TENM1: variants seen among roughly 807,000 people sequenced by gnomAD.
The protein encoded by TENM1 is teneurin-1.
In TENM1, 35 loss-of-function variants were observed where a neutral mutation model predicts 174.8. That is an observed-to-expected ratio of 0.20 (90% CI 0.15 to 0.27). TENM1 has a LOEUF of 0.27. TENM1 is among the 10% of genes least tolerant of loss of function. The pLI, the probability that TENM1 is intolerant of heterozygous loss-of-function variation, is 1.00. For missense variants in TENM1, 1,633 were observed against 2,130.1 expected (o/e 0.77, Z 4.59); for synonymous variants, 781 against 798.7 (o/e 0.98, Z 0.37).
chrX:124,812,221 A>G (rs2055796461), intron 3 of TENM1, among the ~76,000 whole-genome samples: 1 of 111,393 alleles, frequency 9.0e-6, no homozygotes, highest in African/African-American at 3.2e-5. Context: ...TAGCCATTCC[A>G]CAATGTGTAT....
chrX:125,059,625 C>A, the TENM1 span, among the ~76,000 whole-genome samples: 32 of 111,453 alleles, frequency 2.9e-4, no homozygotes, highest in South Asian at 1.1e-3. Context: ...CCTAACTCTG[C>A]TAACCACTGT....
At chrX:124,646,654 G>A in intron 9 of TENM1, 55 bp downstream of exon 12, 2 of 876,963 alleles carry the variant, frequency 2.3e-6, no homozygotes, top group Non-Finnish European at 3.3e-6. Context: ...CTAATTCTGG[G>A]TTATGAAATC....
chrX:124,755,975 G>A (rs1225549594), intron 3 of TENM1, among the ~76,000 whole-genome samples: 1 of 100,701 alleles, frequency 9.9e-6, no homozygotes, highest in Non-Finnish European at 1.9e-5. Context: ...TCTTGGAGTT[G>A]CTCTTCTCGA....
chrX:125,198,617 A>G, the TENM1 span, among the ~76,000 whole-genome samples: 5 of 111,546 alleles, frequency 4.5e-5, no homozygotes, highest in Non-Finnish European at 9.4e-5. Flanking sequence ...CGTTCAGCTT[A>G]ATCATTTATT....
the TENM1 span, among the ~76,000 whole-genome samples, chrX:125,172,737 T>C: frequency 9.0e-6 from 1 of 111,191 alleles, no homozygotes; most frequent in African/African-American, 3.3e-5. Context: ...CATATGTACA[T>C]GGAATAGGAT....
the TENM1 span, among the ~76,000 whole-genome samples, chrX:125,044,448 G>A: frequency 1.8e-5 from 2 of 109,114 alleles, no homozygotes; most frequent in Admixed American, 9.8e-5. Flanking sequence ...AAATTAGCCT[G>A]GTATCGTGGC....
At chrX:124,469,559 A>G (rs2061277426) in intron 22 of TENM1, among the ~76,000 whole-genome samples, 1 of 111,676 alleles carries the variant, frequency 9.0e-6, no homozygotes, top group African/African-American at 3.3e-5. Flanking sequence ...GGAGAGGCAC[A>G]TGGTATGATT....
intron 11 of TENM1, among the ~76,000 whole-genome samples, chrX:124,601,040 G>A (rs188392742): frequency 1.8e-5 from 2 of 111,776 alleles, no homozygotes; most frequent in African/African-American, 6.5e-5. Flanking sequence ...GGAGAAAAGG[G>A]TCCACAACTT....
chrX:125,060,159 C>CCTCTCT, the TENM1 span, among the ~76,000 whole-genome samples: 2 of 96,829 alleles, frequency 2.1e-5, no homozygotes, highest in Non-Finnish European at 4.1e-5. Context: ...CTCTCTCTCT[C>CCTCTCT]CTCTCTCTCT....
At chrX:124,661,284 G>A (rs989912948) in intron 6 of TENM1, among the ~76,000 whole-genome samples, 5 of 111,591 alleles carry the variant, frequency 4.5e-5, no homozygotes, top group East Asian at 5.6e-4. Context: ...TCTGAATTGC[G>A]CACTTTAAAT....
intron 3 of TENM1, among the ~76,000 whole-genome samples, chrX:124,864,811 T>C (rs1038800580): frequency 1.5e-4 from 17 of 110,036 alleles, no homozygotes; most frequent in African/African-American, 5.0e-4. Context: ...AAGGCATTTA[T>C]TAATAATACA....
chrX:124,392,277 A>G (rs755736048), exon 28 of TENM1: 2 of 1,210,196 alleles, frequency 1.7e-6, no homozygotes, highest in East Asian at 5.9e-5. Context: ...TGAATTTTCG[A>G]TGGTCATCAT....
At chrX:125,183,323 G>T in the TENM1 span, among the ~76,000 whole-genome samples, 1 of 112,011 alleles carries the variant, frequency 8.9e-6, no homozygotes, top group Non-Finnish European at 1.9e-5. Context: ...AAGAGTCAAT[G>T]GTCCTTCAGC....
exon 1 of TENM1, chrX:124,963,614 T>C: frequency 1.7e-6 from 2 of 1,211,992 alleles, no homozygotes; most frequent in South Asian, 3.5e-5. Flanking sequence ...GTTATACTCG[T>C]GCAGGGTCTC....
At chrX:124,658,595 G>A (rs1343260438) in intron 6 of TENM1, among the ~76,000 whole-genome samples, 1 of 111,559 alleles carries the variant, frequency 9.0e-6, no homozygotes, top group Non-Finnish European at 1.9e-5. Context: ...ATAGGCCTTG[G>A]CAATTAACTG....
At chrX:124,601,452 T>C (rs1253928328) in intron 11 of TENM1, among the ~76,000 whole-genome samples, 1 of 110,699 alleles carries the variant, frequency 9.0e-6, no homozygotes, top group Non-Finnish European at 1.9e-5. Context: ...ATTTCAGACT[T>C]GATGGCAGGA....
At chrX:125,021,117 A>G in the TENM1 span, among the ~76,000 whole-genome samples, 2 of 111,036 alleles carry the variant, frequency 1.8e-5, no homozygotes, top group East Asian at 2.8e-4. Context: ...TTTTTGCCTT[A>G]AAAGAGAAAC....
intron 5 of TENM1, among the ~76,000 whole-genome samples, chrX:124,673,988 G>A (rs1397354461): frequency 9.0e-6 from 1 of 111,035 alleles, no homozygotes; most frequent in African/African-American, 3.3e-5. Context: ...TGAATATGTG[G>A]CTTGAGACAG....
chrX:124,451,249 T>C (rs979610101), intron 23 of TENM1, among the ~76,000 whole-genome samples: 1 of 110,427 alleles, frequency 9.1e-6, no homozygotes, highest in Non-Finnish European at 1.9e-5. Context: ...AGATGAGAGC[T>C]ACACTGAATT....
Sources: gnomAD v4.1 joint callset for allele counts (sites outside exome capture counted in the v4.1 genomes callset) on GRCh38, gnomAD v4.1.1 for gene constraint, MANE v1.5 for transcripts, NCBI Gene and HGNC (gene_info 2026-07-23, HGNC 2026-07-21) for gene names.